The following FRAS1 variants were observed in gnomAD, a reference collection of about 807,000 sequenced individuals.
The protein encoded by FRAS1 is extracellular matrix organizing protein FRAS1.
FRAS1 carries 290 observed loss-of-function variants against 435.2 expected under a neutral mutation model. The observed-to-expected ratio is 0.67, with a 90% CI of 0.61 to 0.73. The LOEUF is 0.73. Ranked by LOEUF, FRAS1 falls within the 30% of genes least tolerant of loss-of-function variation. FRAS1 has a pLI of 0.00. For missense variants in FRAS1, 4,860 were observed against 5,001.5 expected (o/e 0.97, Z 0.85); for synonymous variants, 1,800 against 1,851.0 (o/e 0.97, Z 0.71).
chr4:78,133,513 A>G (rs1178285452), intron 2 of FRAS1, among the ~76,000 whole-genome samples: 3 of 146,798 alleles, frequency 2.0e-5, no homozygotes, highest in African/African-American at 5.1e-5. Context: ...TAAAATAACT[A>G]AAAAAAAAAA....
rs548891154 is a variant in FRAS1 at position 78,195,757 on chromosome 4, A to G, written c.109-41753A>G. On this transcript the variant is annotated intron_variant, in intron 2 of 73. Coordinates refer to ENST00000512123, the MANE Select transcript of FRAS1 (RefSeq NM_025074.7). ...AATGCCTCACCCTGCTTCGGCTCAC[A>G]CTCAGTGCGCTGCACCCACTGTCCT... Among the ~76,000 whole-genome samples the G allele has an allele frequency of 8.6e-5, 13 of 151,928 alleles. No individual in the cohort carries two copies. In the East Asian group the frequency reaches 1.9e-3, roughly 23 times the overall value.
At chr4:78,058,553 C>G (rs893462382) in intron 1 of FRAS1, among the ~76,000 whole-genome samples, 11 of 152,194 alleles carry the variant, frequency 7.2e-5, no homozygotes, top group Non-Finnish European at 1.5e-4. Flanking sequence ...TAGTCTCCCC[C>G]TAAAGTCCAG....
intron 41 of FRAS1, chr4:78,443,989 C>T: frequency 2.9e-6 from 1 of 344,216 alleles, no homozygotes; most frequent in Non-Finnish European, 5.7e-6. Flanking sequence ...CCTGGGACTA[C>T]AGGCATCCGC....
chr4:78,174,493 T>C (rs962128182), intron 2 of FRAS1, among the ~76,000 whole-genome samples: 2 of 152,186 alleles, frequency 1.3e-5, no homozygotes, highest in African/African-American at 4.8e-5. Flanking sequence ...AGATCCTTTG[T>C]TTTCCTGTAA....
At chr4:78,415,797 G>A (rs1415211960) in intron 32 of FRAS1, among the ~76,000 whole-genome samples, 1 of 152,134 alleles carries the variant, frequency 6.6e-6, no homozygotes, top group East Asian at 1.9e-4. Flanking sequence ...TAGCAAAGAA[G>A]TGCCATGATC....
chr4:78,140,658 TATATACATATGTGTATATGTATATGC>T (rs1560545944), intron 2 of FRAS1, among the ~76,000 whole-genome samples: 3 of 139,862 alleles, frequency 2.1e-5, no homozygotes, highest in South Asian at 2.1e-4. Context: ...TGTATATACG[TATATACATATGTGTATATGTATATGC>T]ATATACATAT....
intron 2 of FRAS1, among the ~76,000 whole-genome samples, chr4:78,227,712 G>C (rs1724334346): frequency 6.6e-6 from 1 of 152,200 alleles, no homozygotes; most frequent in Non-Finnish European, 1.5e-5. Context: ...TCAGTCAGAA[G>C]TAGAGAAGCA....
chr4:78,302,863 T>G (rs1728485629), intron 14 of FRAS1, among the ~76,000 whole-genome samples: 3 of 152,248 alleles, frequency 2.0e-5, no homozygotes, highest in Non-Finnish European at 2.9e-5. Context: ...TTAGTTTAAT[T>G]AGATCCTATT....
intron 12 of FRAS1, among the ~76,000 whole-genome samples, chr4:78,283,229 C>T (rs900557796): frequency 2.0e-5 from 3 of 152,120 alleles, no homozygotes; most frequent in Non-Finnish European, 4.4e-5. Flanking sequence ...ATAAAATATG[C>T]CTTATGTATC....
At chr4:78,389,799 A>G (rs1434527868) in intron 29 of FRAS1, among the ~76,000 whole-genome samples, 1 of 152,218 alleles carries the variant, frequency 6.6e-6, no homozygotes, top group Admixed American at 6.5e-5. Flanking sequence ...AGATGGAAGG[A>G]CATTTCTAGG....
chr4:78,464,654 A>G, intron 49 of FRAS1, 71 bp downstream of exon 49: 2 of 1,538,666 alleles, frequency 1.3e-6, no homozygotes, highest in Non-Finnish European at 1.8e-6. Context: ...ATCACGTTGC[A>G]GCTGTGCATC....
intron 63 of FRAS1, among the ~76,000 whole-genome samples, chr4:78,509,686 A>G (rs1560418859): frequency 6.6e-6 from 1 of 152,350 alleles, no homozygotes; most frequent in East Asian, 1.9e-4. Context: ...AACAATGAAT[A>G]GTATGTTTTC....
intron 2 of FRAS1, among the ~76,000 whole-genome samples, chr4:78,218,770 G>A (rs1723915031): frequency 6.6e-6 from 1 of 152,204 alleles, no homozygotes; most frequent in Non-Finnish European, 1.5e-5. Flanking sequence ...GAGAGGACAA[G>A]AAACCAATTT....
At chr4:78,436,906 G>C (rs189313034) in intron 38 of FRAS1, among the ~76,000 whole-genome samples, 1 of 152,054 alleles carries the variant, frequency 6.6e-6, no homozygotes, top group Non-Finnish European at 1.5e-5. Context: ...TCTAGTCCTC[G>C]TGTTGAATGA....
intron 67 of FRAS1, among the ~76,000 whole-genome samples, chr4:78,520,911 C>T (rs1217778979): frequency 6.6e-6 from 1 of 152,150 alleles, no homozygotes; most frequent in Non-Finnish European, 1.5e-5. Context: ...TCAGATAATT[C>T]CTTGAGCTCT....
chr4:78,087,067 C>T lies in FRAS1; in HGVS notation c.108+21051C>T, dbSNP rs1049723049. Among the ~76,000 whole-genome samples the T allele has an allele frequency of 6.6e-5, 10 of 152,190 alleles. No homozygotes were observed. In the South Asian group the frequency reaches 1.7e-3, roughly 25 times the overall value. ...CGAATCCAGCAGCACATCAAAAAGCCTATCCACCATGATCAAGTGGGCTTC... is the reference window on the plus strand; with the variant it reads ...CGAATCCAGCAGCACATCAAAAAGCTTATCCACCATGATCAAGTGGGCTTC... On this transcript the variant is annotated intron_variant, in intron 2 of 73. Coordinates refer to ENST00000512123, the MANE Select transcript of FRAS1 (RefSeq NM_025074.7).
At chr4:78,521,474 G>A (rs752185892) in intron 67 of FRAS1, 49 bp from the exon 68 acceptor site, 5 of 1,311,112 alleles carry the variant, frequency 3.8e-6, no homozygotes, top group Non-Finnish European at 5.5e-6. Context: ...GTTGCTGTCA[G>A]GGAGGAATTT....
intron 9 of FRAS1, among the ~76,000 whole-genome samples, chr4:78,270,012 A>C (rs1042679201): frequency 1.3e-5 from 2 of 152,194 alleles, no homozygotes; most frequent in East Asian, 3.8e-4. Flanking sequence ...AGGTATGATT[A>C]GGTGGGGAAA....
chr4:78,256,730 T>G (rs1725813909), intron 6 of FRAS1, among the ~76,000 whole-genome samples: 1 of 152,218 alleles, frequency 6.6e-6, no homozygotes, highest in African/African-American at 2.4e-5. Flanking sequence ...GGTACCATAC[T>G]TTAGAGCTAA....
Sources: gnomAD v4.1 joint callset for allele counts (sites outside exome capture counted in the v4.1 genomes callset) on GRCh38, gnomAD v4.1.1 for gene constraint, MANE v1.5 for transcripts, NCBI Gene and HGNC (gene_info 2026-07-23, HGNC 2026-07-21) for gene names.